Variants in GNAO1 observed in about 807,000 individuals in gnomAD.
GNAO1 encodes the protein guanine nucleotide-binding protein G(o) subunit alpha.
For synonymous variants in GNAO1, 164 were observed against 180.7 expected, an observed-to-expected ratio of 0.91 and a Z score of 0.74; for missense variants, 166 against 478.7, an observed-to-expected ratio of 0.35 and a Z score of 6.10.
intron 2 of GNAO1, among the ~76,000 whole-genome samples, chr16:56,215,160 A>C (rs2143344362): frequency 6.6e-6 from 1 of 152,256 alleles, no homozygotes; most frequent in Non-Finnish European, 1.5e-5. Context: ...AGGGCCGCTC[A>C]AGTCTCATCT....
chr16:56,321,337 G>T (rs2037569693), intron 3 of GNAO1, among the ~76,000 whole-genome samples: 1 of 152,230 alleles, frequency 6.6e-6, no homozygotes, highest in East Asian at 1.9e-4. Flanking sequence ...CTGGATCCAG[G>T]CGTTGACATA....
At position 56,202,878 on chromosome 16, in the gene GNAO1, C is replaced by T. The variant is rs185850215; in HGVS notation, c.161+10262C>T. 2.3e-4 allele frequency among the ~76,000 whole-genome samples: 35 copies of T among 152,280 alleles called. No homozygotes were observed. In the East Asian group the frequency reaches 5.0e-3, roughly 22 times the overall value. Reference sequence around the variant, plus strand: ...TGCATTAGGCACTGTTCTGGGTGCTCGGAGTGTCAGTGATGAACAAATCAA... The same window carrying T: ...TGCATTAGGCACTGTTCTGGGTGCTTGGAGTGTCAGTGATGAACAAATCAA... On this transcript the variant is annotated intron_variant, in intron 2 of 8. Coordinates refer to ENST00000262493, the MANE Select transcript of GNAO1 (RefSeq NM_020988.3).
intron 3 of GNAO1, among the ~76,000 whole-genome samples, chr16:56,289,869 C>G (rs561761091): frequency 4.6e-5 from 7 of 152,332 alleles, no homozygotes; most frequent in African/African-American, 1.7e-4. Flanking sequence ...CCCCAGTCCC[C>G]CAAACAATTG....
intron 3 of GNAO1, among the ~76,000 whole-genome samples, chr16:56,288,315 C>T (rs1357636899): frequency 6.6e-6 from 1 of 152,202 alleles, no homozygotes; most frequent in African/African-American, 2.4e-5. Context: ...TCCTGACAGT[C>T]GGCCTGTCCT....
chr16:56,283,677 G>A (rs1408451648), intron 3 of GNAO1, among the ~76,000 whole-genome samples: 1 of 152,160 alleles, frequency 6.6e-6, no homozygotes, highest in Non-Finnish European at 1.5e-5. Context: ...AGATACTTTA[G>A]TGGTAGTTGT....
chr16:56,266,007 C>T (rs2036949874), intron 2 of GNAO1, among the ~76,000 whole-genome samples: 1 of 152,188 alleles, frequency 6.6e-6, no homozygotes, highest in Non-Finnish European at 1.5e-5. Flanking sequence ...TTCTTCCTCA[C>T]CAATATGCAA....
intron 2 of GNAO1, among the ~76,000 whole-genome samples, chr16:56,249,554 G>A (rs1410318084): frequency 1.3e-5 from 2 of 152,184 alleles, no homozygotes; most frequent in Non-Finnish European, 2.9e-5. Flanking sequence ...CTGGAACAGA[G>A]CTTTTGTGTC....
At chr16:56,220,875 G>A (rs1211033764) in intron 2 of GNAO1, among the ~76,000 whole-genome samples, 2 of 152,114 alleles carry the variant, frequency 1.3e-5, no homozygotes, top group Non-Finnish European at 2.9e-5. Context: ...AGCCACCTGA[G>A]TACCTGGGAT....
intron 3 of GNAO1, among the ~76,000 whole-genome samples, chr16:56,297,320 C>T (rs2037296610): frequency 1.3e-5 from 2 of 152,178 alleles, no homozygotes; most frequent in African/African-American, 2.4e-5. Context: ...GCTCATGAGC[C>T]GGCACCACCT....
chr16:56,276,204 G>A, intron 3 of GNAO1, 132 bp downstream of exon 3: 1 of 728,518 alleles, frequency 1.4e-6, no homozygotes, highest in Non-Finnish European at 2.1e-6. Flanking sequence ...ATATATGGTG[G>A]CACAGTCACC....
At chr16:56,262,049 C>T (rs2036908255) in intron 2 of GNAO1, among the ~76,000 whole-genome samples, 1 of 152,182 alleles carries the variant, frequency 6.6e-6, no homozygotes, top group South Asian at 2.1e-4. Context: ...CAGGAACTCA[C>T]TCAGCCCTGG....
intron 4 of GNAO1, among the ~76,000 whole-genome samples, chr16:56,331,818 C>T (rs571113493): frequency 6.6e-6 from 1 of 152,344 alleles, no homozygotes; most frequent in South Asian, 2.1e-4. Context: ...CTCCTGACTT[C>T]TGCCTACTCA....
chr16:56,205,866 T>C (rs1443311723), intron 2 of GNAO1, among the ~76,000 whole-genome samples: 1 of 151,922 alleles, frequency 6.6e-6, no homozygotes, highest in African/African-American at 2.4e-5. Context: ...GATTAAATAA[T>C]GGAGAGGGAT....
chr16:56,205,895 A>G (rs1372265383), intron 2 of GNAO1, among the ~76,000 whole-genome samples: 2 of 152,212 alleles, frequency 1.3e-5, no homozygotes, highest in Non-Finnish European at 2.9e-5. Context: ...ATGAGGGGTA[A>G]AAAAGCAGAT....
intron 4 of GNAO1, 33 bp from the exon 5 acceptor site, chr16:56,334,696 G>T: frequency 6.2e-7 from 1 of 1,612,412 alleles, no homozygotes; most frequent in Non-Finnish European, 8.5e-7. Flanking sequence ...CCAGGCATTT[G>T]GTCCATAGTC....
chr16:56,200,280 C>T (rs2036271137), intron 2 of GNAO1, among the ~76,000 whole-genome samples: 1 of 152,194 alleles, frequency 6.6e-6, no homozygotes, highest in Admixed American at 6.5e-5. Context: ...GCTCATAGTA[C>T]AGCACCATGC....
intron 4 of GNAO1, among the ~76,000 whole-genome samples, chr16:56,331,845 C>T (rs941065012): frequency 1.1e-4 from 17 of 152,184 alleles, no homozygotes; most frequent in African/African-American, 3.9e-4. Flanking sequence ...GTTTGGACAT[C>T]AAATGAGTCT....
chr16:56,206,982 A>T lies in GNAO1; in HGVS notation c.161+14366A>T, dbSNP rs146744892. 1.2e-3 allele frequency among the ~76,000 whole-genome samples: 187 copies of T among 152,354 alleles called. No homozygotes were observed. In the East Asian group the frequency reaches 0.022, roughly 18 times the overall value. ...AAACTGGTTTGAAACCTCAGTGTGG[A>T]TAGAAACCATCTGCTTCTTTTGTAT... On this transcript the variant is annotated intron_variant, in intron 2 of 8. Transcript: ENST00000262493.
At chr16:56,321,807 G>A (rs1188159920) in intron 3 of GNAO1, among the ~76,000 whole-genome samples, 1 of 152,198 alleles carries the variant, frequency 6.6e-6, no homozygotes, top group Non-Finnish European at 1.5e-5. Context: ...GAACTGCCTG[G>A]GCGGGAGCAC....
Sources: allele counts gnomAD v4.1 joint callset (sites outside exome capture counted in the v4.1 genomes callset), GRCh38; gene constraint gnomAD v4.1.1; transcripts MANE v1.5; gene names NCBI Gene and HGNC (gene_info 2026-07-23, HGNC 2026-07-21).